Variants in CSGALNACT1 observed in about 807,000 individuals in gnomAD.
CSGALNACT1 encodes the protein beta4GalNAcT-1.
CSGALNACT1 carries 52 observed loss-of-function variants against 51.0 expected under a neutral mutation model. That is an observed-to-expected ratio of 1.02 (90% CI 0.82 to 1.29). The LOEUF (loss-of-function observed/expected upper bound fraction) is 1.29, where lower values mean the gene tolerates loss of function less well. Among genes scored for constraint, CSGALNACT1 ranks in the 50% most tolerant of loss-of-function variants. CSGALNACT1 has a pLI of 0.00. For missense variants in CSGALNACT1, 935 were observed against 679.2 expected, an observed-to-expected ratio of 1.38 and a Z score of -4.19; for synonymous variants, 341 against 254.4, an observed-to-expected ratio of 1.34 and a Z score of -3.24.
intron 1 of CSGALNACT1, among the ~76,000 whole-genome samples, chr8:19,648,118 A>G (rs376298079): frequency 2.0e-5 from 3 of 152,218 alleles, no homozygotes; most frequent in Non-Finnish European, 4.4e-5. Context: ...AATGTGTTAC[A>G]TATTATACAG....
exon 10 of CSGALNACT1, chr8:19,405,331 T>C (rs1404577731): frequency 2.2e-6 from 1 of 454,762 alleles, no homozygotes; most frequent in Admixed American, 2.4e-5. Context: ...TCTCCTCTCC[T>C]GCCTTCTGAT....
chr8:19,431,648 G>A (rs1019464914), intron 6 of CSGALNACT1, among the ~76,000 whole-genome samples: 10 of 151,938 alleles, frequency 6.6e-5, no homozygotes, highest in East Asian at 5.8e-4. Flanking sequence ...TCTTTGTCTG[G>A]TTAGGTTATC....
Position 19,526,398 on chromosome 8 carries a change from C to T in CSGALNACT1, c.-296-20268G>A, listed in dbSNP as rs544733067. On this transcript the variant is annotated intron_variant, in intron 3 of 9. Transcript: ENST00000454498. ...AAGAGAATGAGACCATCCTAGCCAA[C>T]ATGGTGAAACTTCATCACTACTAAA... is the stretch of plus-strand genomic sequence containing the variant. 2.7e-3 allele frequency among the ~76,000 whole-genome samples: 415 copies of T among 152,282 alleles called. 2 individuals carry two copies. Among genetic ancestry groups the T allele is most frequent in the African/African-American group, 9.7e-3 (401 of 41,548 alleles).
intron 1 of CSGALNACT1, among the ~76,000 whole-genome samples, chr8:19,622,357 A>C (rs2053924758): frequency 6.6e-6 from 1 of 152,226 alleles, no homozygotes; most frequent in Admixed American, 6.5e-5. Flanking sequence ...TTCACTCAAT[A>C]GTGTACTTGA....
At chr8:19,406,766 G>A (rs768924689) in intron 9 of CSGALNACT1, among the ~76,000 whole-genome samples, 2 of 152,092 alleles carry the variant, frequency 1.3e-5, no homozygotes, top group East Asian at 3.9e-4. Context: ...CGAGGGGCTT[G>A]CAGTGCCTCT....
chr8:19,564,374 C>T (rs536679367), intron 3 of CSGALNACT1, among the ~76,000 whole-genome samples: 6 of 151,136 alleles, frequency 4.0e-5, no homozygotes, highest in African/African-American at 7.3e-5. Context: ...ATTTCAATTT[C>T]GTTTTTCTCA....
intron 1 of CSGALNACT1, among the ~76,000 whole-genome samples, chr8:19,665,931 T>G (rs116608026): frequency 6.6e-6 from 1 of 152,208 alleles, no homozygotes; most frequent in Admixed American, 6.5e-5. Flanking sequence ...TCTAACCACA[T>G]TGTCGATTTT....
chr8:19,542,954 T>A (rs1185526785), intron 3 of CSGALNACT1, among the ~76,000 whole-genome samples: 1 of 152,108 alleles, frequency 6.6e-6, no homozygotes, highest in Non-Finnish European at 1.5e-5. Context: ...CAGAGAGGTA[T>A]GAGCTATCAA....
exon 2 of CSGALNACT1, chr8:19,601,818 C>T: frequency 2.2e-6 from 1 of 454,048 alleles, no homozygotes; most frequent in Non-Finnish European, 4.4e-6. Flanking sequence ...ATCATTGCTC[C>T]TCTGGGTCAA....
intron 1 of CSGALNACT1, among the ~76,000 whole-genome samples, chr8:19,608,198 T>C (rs77550569): frequency 0.023 from 3,561 of 152,310 alleles, 151 homozygotes; most frequent in African/African-American, 0.081. Context: ...GATGATACAA[T>C]GATCAAGAAT....
At chr8:19,589,525 C>T (rs190780478) in intron 3 of CSGALNACT1, among the ~76,000 whole-genome samples, 6 of 152,254 alleles carry the variant, frequency 3.9e-5, no homozygotes, top group African/African-American at 1.4e-4. Context: ...GGAGTTTAAT[C>T]ACGTTGGGTT....
intron 3 of CSGALNACT1, among the ~76,000 whole-genome samples, chr8:19,585,706 T>C (rs1409627931): frequency 6.6e-6 from 1 of 152,140 alleles, no homozygotes; most frequent in African/African-American, 2.4e-5. Context: ...TAGAAGGTGT[T>C]AGGCCATGAG....
chr8:19,570,110 T>C (rs2042693815), intron 3 of CSGALNACT1, among the ~76,000 whole-genome samples: 1 of 151,740 alleles, frequency 6.6e-6, no homozygotes, highest in South Asian at 2.1e-4. Context: ...TTTTTGGTTC[T>C]AGAAGTGGTC....
chr8:19,489,668 G>A (rs2073926808), intron 4 of CSGALNACT1, among the ~76,000 whole-genome samples: 1 of 152,150 alleles, frequency 6.6e-6, no homozygotes, highest in Non-Finnish European at 1.5e-5. Flanking sequence ...GACACAAATG[G>A]TATGAAAATG....
intron 3 of CSGALNACT1, among the ~76,000 whole-genome samples, chr8:19,516,158 G>C (rs1034681243): frequency 6.6e-6 from 1 of 151,968 alleles, no homozygotes; most frequent in African/African-American, 2.4e-5. Context: ...TTTACGTTGG[G>C]GCCAGACATC....
chr8:19,590,745 G>T (rs1218173761), intron 3 of CSGALNACT1, among the ~76,000 whole-genome samples: 3 of 146,958 alleles, frequency 2.0e-5, no homozygotes, highest in Non-Finnish European at 4.4e-5. Flanking sequence ...CACCTTCTGG[G>T]TTCAAGCAAT....
At chr8:19,510,463 A>C (rs961560527) in intron 3 of CSGALNACT1, among the ~76,000 whole-genome samples, 1 of 152,160 alleles carries the variant, frequency 6.6e-6, no homozygotes, top group African/African-American at 2.4e-5. Context: ...ATTCATCCAT[A>C]CAACAAATAG....
chr8:19,542,309 C>G (rs1202331367), intron 3 of CSGALNACT1, among the ~76,000 whole-genome samples: 1 of 151,978 alleles, frequency 6.6e-6, no homozygotes, highest in Non-Finnish European at 1.5e-5. Context: ...AAAGAAAACA[C>G]TGTCCGTCAA....
chr8:19,656,807 C>G (rs1317051245), intron 1 of CSGALNACT1, among the ~76,000 whole-genome samples: 1 of 152,122 alleles, frequency 6.6e-6, no homozygotes, highest in Non-Finnish European at 1.5e-5. Context: ...GTGGCTCACG[C>G]CTGTTATCCC....
Sources: allele counts gnomAD v4.1 joint callset (sites outside exome capture counted in the v4.1 genomes callset), GRCh38; gene constraint gnomAD v4.1.1; transcripts MANE v1.5; gene names NCBI Gene and HGNC (gene_info 2026-07-23, HGNC 2026-07-21).